The following PAX3 variants were observed in gnomAD, a reference collection of about 807,000 sequenced individuals.
PAX3 encodes paired box protein Pax-3.
PAX3 carries 14 observed loss-of-function variants against 51.6 expected under a neutral mutation model. That is an observed-to-expected ratio of 0.27 (90% CI 0.18 to 0.42). The LOEUF (loss-of-function observed/expected upper bound fraction) is 0.42, where lower values mean the gene tolerates loss of function less well. PAX3 is among the 10% of genes least tolerant of loss of function. The pLI is 1.00. For synonymous variants in PAX3, 280 were observed against 253.4 expected, an observed-to-expected ratio of 1.11 and a Z score of -1.00; for missense variants, 540 against 642.8, an observed-to-expected ratio of 0.84 and a Z score of 1.73.
At chr2:222,273,742 T>C (rs1037708014) in intron 4 of PAX3, among the ~76,000 whole-genome samples, 2 of 152,246 alleles carry the variant, frequency 1.3e-5, no homozygotes, top group African/African-American at 4.8e-5. Flanking sequence ...GCAGCATTTT[T>C]GGATCATTTC....
intron 5 of PAX3, among the ~76,000 whole-genome samples, chr2:222,226,267 A>C (rs571307804): frequency 6.6e-6 from 1 of 152,338 alleles, no homozygotes; most frequent in African/African-American, 2.4e-5. Context: ...AGGGAAATTC[A>C]GGGCAAGCTG....
At chr2:222,235,138 C>T (rs531024090) in intron 4 of PAX3, among the ~76,000 whole-genome samples, 9 of 152,134 alleles carry the variant, frequency 5.9e-5, no homozygotes, top group African/African-American at 1.4e-4. Context: ...TAATCAAAAT[C>T]GTCTCTGGTT....
chr2:222,205,871 C>G (rs1691484999), intron 7 of PAX3, among the ~76,000 whole-genome samples: 1 of 152,120 alleles, frequency 6.6e-6, no homozygotes, highest in South Asian at 2.1e-4. Context: ...TCAAGGGAAG[C>G]TATGGAAATT....
chr2:222,220,748 G>T (rs909040161), intron 6 of PAX3, among the ~76,000 whole-genome samples: 1 of 152,180 alleles, frequency 6.6e-6, no homozygotes, highest in Admixed American at 6.5e-5. Flanking sequence ...TAATAATATA[G>T]TTTCAAATGC....
chr2:222,216,193 G>A (rs935171900), intron 7 of PAX3, among the ~76,000 whole-genome samples: 1 of 152,160 alleles, frequency 6.6e-6, no homozygotes, highest in Non-Finnish European at 1.5e-5. Context: ...CCACTAAAAT[G>A]TGTAATTTGT....
At chr2:222,294,566 C>G (rs1028847260) in intron 3 of PAX3, among the ~76,000 whole-genome samples, 7 of 152,030 alleles carry the variant, frequency 4.6e-5, no homozygotes, top group Middle Eastern at 3.2e-3. Flanking sequence ...AAGTTAGGGC[C>G]GGATGCCATC....
intron 4 of PAX3, among the ~76,000 whole-genome samples, chr2:222,244,350 C>T (rs1042641400): frequency 2.6e-5 from 4 of 152,196 alleles, no homozygotes; most frequent in African/African-American, 9.7e-5. Context: ...GCCCCTTCCT[C>T]TCTGATTTGG....
chr2:222,214,527 T>A (rs547673305), intron 7 of PAX3: 2 of 152,234 alleles, frequency 1.3e-5, no homozygotes, highest in East Asian at 3.9e-4. Flanking sequence ...CACAGTCTTA[T>A]TAGTGTAAAG....
intron 4 of PAX3, among the ~76,000 whole-genome samples, chr2:222,257,744 G>T (rs1449945905): frequency 1.3e-5 from 2 of 152,320 alleles, no homozygotes; most frequent in Admixed American, 6.5e-5. Flanking sequence ...TGACAGCAGG[G>T]CAGAAGTCAG....
At chr2:222,298,440 G>T in intron 1 of PAX3, 91 bp downstream of exon 1, 1 of 1,069,532 alleles carries the variant, frequency 9.3e-7, no homozygotes, top group Non-Finnish European at 1.4e-6. Context: ...CTTCCTGGAA[G>T]CACCAAAGGA....
intron 4 of PAX3, among the ~76,000 whole-genome samples, chr2:222,266,906 A>G (rs10932949): frequency 0.81 from 122,899 of 152,180 alleles, 49,866 homozygotes; most frequent in East Asian, 0.98. Flanking sequence ...ATGAAATCAC[A>G]TGGCATTGAA....
Position 222,208,240 on chromosome 2 carries a change from T to C in PAX3, c.1174-6050A>G, listed in dbSNP as rs1238777897. 3.9e-5 allele frequency among the ~76,000 whole-genome samples: 6 copies of C among 152,146 alleles called. 1 individual carries two copies. Among genetic ancestry groups the C allele is most frequent in the African/African-American group, 1.4e-4 (6 of 41,434 alleles). ...GCATTTAATATGCTTTGTGACCATG[T>C]CTACAATTAATATGATTTATGGGAA... On this transcript the variant is annotated intron_variant, in intron 7 of 8. Transcript: ENST00000392070.
chr2:222,202,236 C>G, intron 7 of PAX3, 46 bp from the exon 8 acceptor site: 1 of 1,346,134 alleles, frequency 7.4e-7, no homozygotes, highest in Admixed American at 1.9e-5. Context: ...GCAGAGAGAT[C>G]CAGATTGCAG....
intron 3 of PAX3, among the ~76,000 whole-genome samples, chr2:222,294,674 C>T (rs559463713): frequency 4.4e-4 from 67 of 151,330 alleles, no homozygotes; most frequent in African/African-American, 1.5e-3. Flanking sequence ...ACCAGCCCAC[C>T]GGGTACCCTC....
In PAX3 at chr2:222,296,905, A is replaced by G. The variant is rs12694578; in HGVS notation, c.321+73T>C. 661,984 of 1,240,938 alleles carry G rather than the reference A, an allele frequency of 0.53. 180,248 individuals carry two copies. The highest frequency in any genetic ancestry group is 0.7 in the South Asian group (54,778 of 78,444). The allele number at this position is 1,240,938 out of a possible 1,614,324, so 76.9% of individuals were successfully genotyped here. The stretch of plus-strand genomic sequence containing the variant: ...TGGAGAGCCCCAGATGTCAGCCGTT[A>G]CCCCCCGCCCGGTCTTCCCCAACAC... On this transcript the variant is annotated intron_variant, in intron 2 of 8. Coordinates refer to ENST00000392070, the MANE Select transcript of PAX3 (RefSeq NM_181458.4).
Position 222,295,646 on chromosome 2 carries a change from C to T in PAX3, c.333G>A (p.Thr111=). 1 of 1,614,178 alleles carries T rather than the reference C, an allele frequency of 6.2e-7. No individual in the cohort carries two copies. The highest frequency in any genetic ancestry group is 8.5e-7 in the Non-Finnish European group (1 of 1,180,034). Residue 111 remains threonine, a synonymous_variant, in exon 3 of 9, where the codon ACG becomes ACA. Transcript: ENST00000392070. The part of the protein sequence containing the change: ...IGGSKPKQVT[T]PDVEKKIEEY... ...CCTCAATTTTCTTCTCCACGTCAGG[C>T]GTTGTCACCTGCTTTAAGAGAACAG...
At chr2:222,292,422 G>T (rs1276409326) in intron 4 of PAX3, among the ~76,000 whole-genome samples, 2 of 151,514 alleles carry the variant, frequency 1.3e-5, no homozygotes, top group Non-Finnish European at 2.9e-5. Flanking sequence ...AGTGTAGATT[G>T]TGTAGAGAAG....
At position 222,257,645 on chromosome 2, in the gene PAX3, C is replaced by A. The variant is rs1375040605; in HGVS notation, c.587-25362G>T. On this transcript the variant is annotated intron_variant, in intron 4 of 8. Transcript: ENST00000392070. ...CAAATGCCAGTAAGAATGCATGTAC[C>A]AGTCACTGTATGATATGTTCTCCCA... 3.3e-5 allele frequency among the ~76,000 whole-genome samples: 5 copies of A among 152,142 alleles called. No homozygotes were observed. In the East Asian group the frequency reaches 7.7e-4, roughly 23 times the overall value.
chr2:222,207,949 C>T (rs777815723), intron 7 of PAX3, among the ~76,000 whole-genome samples: 3 of 151,222 alleles, frequency 2.0e-5, no homozygotes, highest in Non-Finnish European at 2.9e-5. Context: ...GGCTTCTAGC[C>T]TTCCCTCTAA....
Sources: allele counts gnomAD v4.1 joint callset (sites outside exome capture counted in the v4.1 genomes callset), GRCh38; gene constraint gnomAD v4.1.1; transcripts MANE v1.5; gene names NCBI Gene and HGNC (gene_info 2026-07-23, HGNC 2026-07-21).